The following MCF2L2 variants were observed in gnomAD, a reference collection of about 807,000 sequenced individuals.
MCF2L2 encodes MCF.2 cell line derived transforming sequence-like 2, also known as probable guanine nucleotide exchange factor MCF2L2.
In MCF2L2, 102 loss-of-function variants were observed where a neutral mutation model predicts 150.2. The ratio of observed to expected loss-of-function variants is 0.68; its 90% CI spans 0.58 to 0.80. The LOEUF (loss-of-function observed/expected upper bound fraction) is 0.80. Ranked by LOEUF, MCF2L2 falls within the 30% of genes least tolerant of loss-of-function variation. MCF2L2 has a pLI of 0.00. For synonymous variants in MCF2L2, 465 were observed against 491.3 expected (o/e 0.95, Z 0.71); for missense variants, 1,256 against 1,372.8 (o/e 0.91, Z 1.34).
intron 3 of MCF2L2, among the ~76,000 whole-genome samples, chr3:183,367,922 T>A (rs1306216841): frequency 6.6e-6 from 1 of 152,178 alleles, no homozygotes; most frequent in Non-Finnish European, 1.5e-5. Context: ...AATATGCATG[T>A]TAGTATCATG....
Position 183,297,163 on chromosome 3 carries a change from C to G in MCF2L2, c.1310G>C (p.Ser437Thr). The G allele has an allele frequency of 6.2e-7, 1 of 1,613,668 alleles. No individual in the cohort carries two copies. The highest frequency in any genetic ancestry group is 1.3e-5 in the African/African-American group (1 of 75,038). Reference sequence around the variant, plus strand: ...GTAGATTCCTGCCTCACACCATTGGCTGACCTTTTGGAAAGAAACAGTGCC... The same window carrying G: ...GTAGATTCCTGCCTCACACCATTGGGTGACCTTTTGGAAAGAAACAGTGCC... ...LEFHRQLDKV[S>T]QWCEAGIYLL... is the part of the protein sequence containing the mutation. Residue 437 changes from serine to threonine, a missense_variant, in exon 12 of 30, where the codon AGC (serine) becomes ACC (threonine). By Grantham distance (58) the Ser-to-Thr change is moderately conservative. Coordinates refer to ENST00000328913, the MANE Select transcript of MCF2L2 (RefSeq NM_015078.4).
At chr3:183,380,412 C>T (rs1405827438) in intron 2 of MCF2L2, among the ~76,000 whole-genome samples, 1 of 152,048 alleles carries the variant, frequency 6.6e-6, no homozygotes, top group African/African-American at 2.4e-5. Context: ...TTTCTTTTTC[C>T]TTTTATTGAG....
chr3:183,212,950 G>C (rs1448963266), intron 22 of MCF2L2, among the ~76,000 whole-genome samples: 2 of 135,262 alleles, frequency 1.5e-5, no homozygotes, highest in African/African-American at 5.3e-5. Context: ...AGGTATTGTG[G>C]GGGGGTGGGG....
intron 1 of MCF2L2, among the ~76,000 whole-genome samples, chr3:183,402,256 A>G: frequency 6.6e-6 from 1 of 151,062 alleles, no homozygotes; most frequent in Non-Finnish European, 1.5e-5. Flanking sequence ...ATCCTGGCTA[A>G]CATGGTGAAA....
intron 15 of MCF2L2, among the ~76,000 whole-genome samples, chr3:183,242,285 A>T (rs1409765437): frequency 6.6e-6 from 1 of 152,244 alleles, no homozygotes; most frequent in Admixed American, 6.5e-5. Context: ...CATAAGTAAG[A>T]TGGAGCCAAA....
chr3:183,426,307 T>C (rs952735926), intron 1 of MCF2L2, among the ~76,000 whole-genome samples: 2 of 152,160 alleles, frequency 1.3e-5, no homozygotes, highest in Non-Finnish European at 2.9e-5. Context: ...ACCTTTAAAA[T>C]CATCCAGGTC....
At chr3:183,424,817 G>T (rs1313580920) in intron 1 of MCF2L2, among the ~76,000 whole-genome samples, 1 of 152,182 alleles carries the variant, frequency 6.6e-6, no homozygotes, top group African/African-American at 2.4e-5. Flanking sequence ...TATTCCAGGT[G>T]GGGGGTAAAA....
intron 10 of MCF2L2, among the ~76,000 whole-genome samples, chr3:183,308,473 C>T (rs1729210225): frequency 6.6e-6 from 1 of 152,114 alleles, no homozygotes; most frequent in Non-Finnish European, 1.5e-5. Flanking sequence ...ATAAATGTTC[C>T]TGATGACTCA....
chr3:183,298,643 T>C (rs1458080099), intron 11 of MCF2L2: 1 of 151,916 alleles, frequency 6.6e-6, no homozygotes, highest in Non-Finnish European at 1.5e-5. Context: ...CTGTGAAAAC[T>C]TTCTCTTTAC....
intron 3 of MCF2L2, chr3:183,376,756 G>T (rs1167194964): frequency 6.6e-6 from 1 of 152,200 alleles, no homozygotes; most frequent in Non-Finnish European, 1.5e-5. Flanking sequence ...CAAAGAATCA[G>T]TTAGAGTCAG....
chr3:183,205,876 C>CTT lies in MCF2L2; in HGVS notation c.2882_2883dup (p.Asp962LysfsTer10), dbSNP rs1273068382. The CTT allele has an allele frequency of 6.2e-7, 1 of 1,612,576 alleles. No homozygotes were observed. The highest frequency in any genetic ancestry group is 1.7e-5 in the Admixed American group (1 of 59,974). ...ACGAAAGTCAGCAGGGGTAACCTAC[C>CTT]TTTGATATTATTTTGTTGTTCCATC... On this transcript the variant is annotated frameshift_variant and splice_region_variant, in exon 25 of 30. Coordinates refer to ENST00000328913, the MANE Select transcript of MCF2L2 (RefSeq NM_015078.4). LOFTEE classifies it high-confidence loss of function.
chr3:183,258,577 A>G (rs1265905947), intron 15 of MCF2L2, among the ~76,000 whole-genome samples: 1 of 152,266 alleles, frequency 6.6e-6, no homozygotes, highest in Non-Finnish European at 1.5e-5. Flanking sequence ...TTCACAGAGC[A>G]CCTGGTTTGG....
At chr3:183,345,783 T>G in intron 3 of MCF2L2, among the ~76,000 whole-genome samples, 1 of 152,152 alleles carries the variant, frequency 6.6e-6, no homozygotes, top group East Asian at 1.9e-4. Context: ...CAGAGAATAC[T>G]ATAAACACCT....
intron 5 of MCF2L2, among the ~76,000 whole-genome samples, chr3:183,323,827 G>T (rs1021068477): frequency 6.6e-6 from 1 of 151,150 alleles, no homozygotes; most frequent in African/African-American, 2.4e-5. Context: ...ATATCCAGCA[G>T]GGAAATATTT....
intron 21 of MCF2L2, among the ~76,000 whole-genome samples, chr3:183,218,287 T>A (rs1723018149): frequency 6.6e-6 from 1 of 152,234 alleles, no homozygotes; most frequent in Admixed American, 6.5e-5. Context: ...CTTCGCTTCC[T>A]GGTAAAAGAA....
chr3:183,275,520 G>A (rs539219855), intron 15 of MCF2L2, among the ~76,000 whole-genome samples: 16 of 152,306 alleles, frequency 1.1e-4, no homozygotes, highest in Middle Eastern at 3.4e-3. Context: ...AGAACATAAA[G>A]ATATTTTTGT....
chr3:183,342,060 A>G (rs950132668), intron 3 of MCF2L2, among the ~76,000 whole-genome samples: 19 of 152,194 alleles, frequency 1.2e-4, no homozygotes, highest in Admixed American at 1.2e-3. Flanking sequence ...GGGAGTAATG[A>G]GAGAGGTGTT....
At chr3:183,182,043 GA>G (rs1393423677) in intron 27 of MCF2L2, among the ~76,000 whole-genome samples, 1 of 152,174 alleles carries the variant, frequency 6.6e-6, no homozygotes, top group Admixed American at 6.5e-5. Flanking sequence ...GCCCTGCAGG[GA>G]AGCGGGGAAG....
chr3:183,234,687 C>CTTTTTTTTTTTTT (rs71185647), intron 15 of MCF2L2, among the ~76,000 whole-genome samples: 5 of 84,248 alleles, frequency 5.9e-5, no homozygotes, highest in African/African-American at 2.1e-4. Context: ...ATGTATGACT[C>CTTTTTTTTTTTTT]TTTTTTTTTT....
Sources: gnomAD v4.1 joint callset for allele counts (sites outside exome capture counted in the v4.1 genomes callset) on GRCh38, gnomAD v4.1.1 for gene constraint, MANE v1.5 for transcripts, NCBI Gene and HGNC (gene_info 2026-07-23, HGNC 2026-07-21) for gene names.